Variants in SGCZ observed in about 807,000 individuals in gnomAD.
The protein encoded by SGCZ is zeta-sarcoglycan.
SGCZ carries 40 observed loss-of-function variants against 41.3 expected under a neutral mutation model. That is an observed-to-expected ratio of 0.97 (90% CI 0.75 to 1.26). SGCZ has a LOEUF of 1.26. Ranked by LOEUF, SGCZ falls within the 50% of genes most tolerant of loss-of-function variation. The pLI, the probability that SGCZ is intolerant of heterozygous loss-of-function variation, is 0.00. For missense variants in SGCZ, 552 were observed against 369.8 expected, an observed-to-expected ratio of 1.49 and a Z score of -4.04; for synonymous variants, 206 against 137.5, an observed-to-expected ratio of 1.50 and a Z score of -3.49.
rs182522715 is a variant in SGCZ, at chr8:14,519,090, G to C, written c.234+35642C>G. ...TCTAAAAAAAAAAAAAAAAAAGACA[G>C]AGATATATAGTGCCTGCATTTTCTT... On this transcript the variant is annotated intron_variant, in intron 2 of 7. Coordinates refer to ENST00000382080, the MANE Select transcript of SGCZ (RefSeq NM_139167.4). Among the ~76,000 whole-genome samples the C allele has an allele frequency of 9.6e-3, 1,392 of 145,676 alleles. 27 individuals carry two copies. The highest frequency in any genetic ancestry group is 0.035 in the African/African-American group (1,342 of 38,884).
chr8:15,168,779 G>A (rs1481242632), intron 1 of SGCZ, among the ~76,000 whole-genome samples: 3 of 152,090 alleles, frequency 2.0e-5, no homozygotes, highest in Non-Finnish European at 2.9e-5. Context: ...TTAGGCAATT[G>A]TGTCTCCATA....
intron 1 of SGCZ, among the ~76,000 whole-genome samples, chr8:14,588,164 T>TA (rs1321726504): frequency 1.3e-5 from 2 of 148,580 alleles, no homozygotes; most frequent in Non-Finnish European, 3.0e-5. Context: ...TAGAATATGA[T>TA]AAAATTTTTC....
chr8:14,852,981 C>G (rs1446835081), intron 1 of SGCZ, among the ~76,000 whole-genome samples: 5 of 152,278 alleles, frequency 3.3e-5, no homozygotes, highest in African/African-American at 9.6e-5. Flanking sequence ...CAGATATATA[C>G]TGCTGATGAG....
chr8:15,126,483 T>A (rs1807686625), intron 1 of SGCZ, among the ~76,000 whole-genome samples: 1 of 152,060 alleles, frequency 6.6e-6, no homozygotes, highest in Admixed American at 6.5e-5. Flanking sequence ...CAAACTGGAA[T>A]AAGAATGGAT....
chr8:14,787,705 G>GA (rs1257012512), intron 1 of SGCZ, among the ~76,000 whole-genome samples: 5 of 152,016 alleles, frequency 3.3e-5, no homozygotes, highest in Non-Finnish European at 5.9e-5. Context: ...AATTAGCCAG[G>GA]AATGGTGGCA....
intron 1 of SGCZ, among the ~76,000 whole-genome samples, chr8:14,673,021 G>C (rs754616650): frequency 6.6e-6 from 1 of 152,148 alleles, no homozygotes; most frequent in African/African-American, 2.4e-5. Flanking sequence ...CACACAGCAG[G>C]CAAGATTTGG....
intron 2 of SGCZ, among the ~76,000 whole-genome samples, chr8:14,413,663 T>C (rs781781113): frequency 2.6e-5 from 4 of 152,032 alleles, no homozygotes; most frequent in Non-Finnish European, 4.4e-5. Flanking sequence ...ATTTTAAAAA[T>C]AAAGCACATT....
intron 1 of SGCZ, among the ~76,000 whole-genome samples, chr8:14,681,029 T>C (rs1808430487): frequency 6.7e-6 from 1 of 148,618 alleles, no homozygotes; most frequent in Admixed American, 6.7e-5. Flanking sequence ...CTAACATACT[T>C]TTAATTGAAA....
At chr8:14,650,723 T>G (rs1191519599) in intron 1 of SGCZ, among the ~76,000 whole-genome samples, 1 of 152,050 alleles carries the variant, frequency 6.6e-6, no homozygotes, top group African/African-American at 2.4e-5. Context: ...AAGAGATTTG[T>G]TAGGACAAGG....
intron 3 of SGCZ, among the ~76,000 whole-genome samples, chr8:14,250,570 C>A (rs993702250): frequency 6.6e-6 from 1 of 152,120 alleles, no homozygotes; most frequent in African/African-American, 2.4e-5. Flanking sequence ...CGATATGGAA[C>A]CACACATGAA....
At chr8:14,628,119 T>G (rs1261940788) in intron 1 of SGCZ, among the ~76,000 whole-genome samples, 1 of 151,978 alleles carries the variant, frequency 6.6e-6, no homozygotes, top group African/African-American at 2.4e-5. Flanking sequence ...AGATTGCAGG[T>G]TTAATGCTAC....
chr8:14,614,820 T>A (rs1013034354), intron 1 of SGCZ, among the ~76,000 whole-genome samples: 33 of 151,982 alleles, frequency 2.2e-4, no homozygotes, highest in African/African-American at 8.0e-4. Context: ...CTAAGAAAAA[T>A]GAATAATAAA....
intron 1 of SGCZ, among the ~76,000 whole-genome samples, chr8:15,099,368 G>T (rs748969286): frequency 6.6e-6 from 1 of 152,100 alleles, no homozygotes; most frequent in Non-Finnish European, 1.5e-5. Context: ...CCATAAACTC[G>T]ATAATTTAGA....
intron 1 of SGCZ, among the ~76,000 whole-genome samples, chr8:14,769,588 T>C (rs1034265071): frequency 8.6e-5 from 13 of 151,942 alleles, no homozygotes; most frequent in Admixed American, 7.2e-4. Context: ...GGTCGGGAGT[T>C]CGAGACCAGC....
intron 1 of SGCZ, among the ~76,000 whole-genome samples, chr8:14,600,116 G>C (rs931600989): frequency 1.3e-5 from 2 of 151,978 alleles, no homozygotes; most frequent in African/African-American, 2.4e-5. Context: ...ATTTAACCCA[G>C]CTGATTATAA....
chr8:14,461,283 C>A (rs1360174923), intron 2 of SGCZ, among the ~76,000 whole-genome samples: 1 of 152,098 alleles, frequency 6.6e-6, no homozygotes, highest in African/African-American at 2.4e-5. Flanking sequence ...ACTGAAATGG[C>A]TTCTATTCAG....
At chr8:14,956,758 T>A (rs1800806392) in intron 1 of SGCZ, among the ~76,000 whole-genome samples, 2 of 152,252 alleles carry the variant, frequency 1.3e-5, no homozygotes, top group Middle Eastern at 3.2e-3. Context: ...AAAATATTTT[T>A]AAAATCTATG....
At chr8:14,927,548 G>A (rs894555833) in intron 1 of SGCZ, among the ~76,000 whole-genome samples, 1 of 131,644 alleles carries the variant, frequency 7.6e-6, no homozygotes, top group Non-Finnish European at 1.8e-5. Context: ...GAGGAAGAAA[G>A]AAGAGGGAGA....
At chr8:14,975,165 G>A (rs573438080) in intron 1 of SGCZ, among the ~76,000 whole-genome samples, 1 of 152,278 alleles carries the variant, frequency 6.6e-6, no homozygotes, top group African/African-American at 2.4e-5. Flanking sequence ...GATTAGCCAG[G>A]TGTGGTGGCG....
Sources: allele counts gnomAD v4.1 joint callset (sites outside exome capture counted in the v4.1 genomes callset), GRCh38; gene constraint gnomAD v4.1.1; transcripts MANE v1.5; gene names NCBI Gene and HGNC (gene_info 2026-07-23, HGNC 2026-07-21).